Variants in NRXN2 observed in about 807,000 individuals in gnomAD.
NRXN2 encodes the protein neurexin-2-beta.
A neutral mutation model predicts 128.8 loss-of-function variants in NRXN2; 29 were observed. The observed-to-expected ratio is 0.23, with a 90% CI of 0.17 to 0.31. The LOEUF is 0.31. Among genes scored for constraint, NRXN2 ranks in the 10% least tolerant of loss-of-function variants. The pLI, the probability that NRXN2 is intolerant of heterozygous loss-of-function variation, is 1.00. For missense variants in NRXN2, 1,881 were observed against 2,452.6 expected, an observed-to-expected ratio of 0.77 and a Z score of 4.92; for synonymous variants, 1,098 against 1,075.2, an observed-to-expected ratio of 1.02 and a Z score of -0.41.
Position 64,713,200 on chromosome 11 carries a change from C to T in NRXN2, c.500G>A (p.Ser167Asn). The change falls in exon 2 of 23, where the codon AGC becomes AAC. Residue 167 changes from serine (S) to asparagine (N), a missense_variant. Coordinates refer to ENST00000265459, the MANE Select transcript of NRXN2 (RefSeq NM_015080.4). Reference protein sequence around the residue: ...PDVRLSALTLSTVKYEPPFRG... With the variant: ...PDVRLSALTLNTVKYEPPFRG... ...GAAGGGCGGCTCGTACTTGACGGTG[C>T]TCAGCGTAAGCGCCGAGAGGCGCAC... The T allele has an allele frequency of 6.8e-7, 1 of 1,469,638 alleles. No homozygotes were observed. The highest frequency in any genetic ancestry group is 9.0e-7 in the Non-Finnish European group (1 of 1,114,574). 91.0% of individuals were successfully genotyped at this position (1,469,638 alleles called of 1,614,324 possible).
rs755335070 is a variant in NRXN2, at chr11:64,667,560, G to A, written c.1488C>T (p.Thr496=). The A allele has an allele frequency of 1.2e-6, 2 of 1,614,188 alleles. No individual in the cohort carries two copies. The highest frequency in any genetic ancestry group is 2.2e-5 in the East Asian group (1 of 44,886). ...CCACAAAGGCCTCGGGACTCTCAAA[G>A]GTCACAGGGTCCAGGGCAGCCACAT... ...CEDVAALDPV[T]FESPEAFVAL... Residue 496 remains threonine (T), a synonymous_variant, in exon 9 of 23, where the codon ACC becomes ACT. Transcript: ENST00000265459. This position sits in a 1 kb window ranked among gnomAD's most constrained non-coding sequence, Gnocchi z 5.6.
chr11:64,688,053 AAG>A (rs1267910049), intron 5 of NRXN2, among the ~76,000 whole-genome samples: 13 of 152,246 alleles, frequency 8.5e-5, no homozygotes, highest in Non-Finnish European at 4.4e-5. Context: ...AGTATCATTA[AAG>A]AGAGTCAAAC....
intron 2 of NRXN2, among the ~76,000 whole-genome samples, chr11:64,705,224 A>G: frequency 6.6e-6 from 1 of 152,194 alleles, no homozygotes; most frequent in Non-Finnish European, 1.5e-5. Context: ...CAATAGACCA[A>G]CTGACCAGCT....
chr11:64,661,325 AAGGCCCCC>A (rs765722489), intron 9 of NRXN2, 186 bp from the exon 10 acceptor site: 520 of 1,475,182 alleles, frequency 3.5e-4, no homozygotes, highest in Non-Finnish European at 4.5e-4. Flanking sequence ...CTGCTTGACA[AAGGCCCCC>A]AGGCTCAGAG....
In NRXN2 at chr11:64,667,400, G is replaced by C; in HGVS notation, c.1648C>G (p.Arg550Gly). ...GGAGSHSSAQ[R>G]ADYFAMELLD... ...AGCTCCATGGCAAAGTAGTCGGCCC[G>C]CTGAGCAGAGCTGTGGCTGCCAGCT... Residue 550 changes from arginine (R) to glycine (G), a missense_variant, in exon 9 of 23, where the codon CGG becomes GGG. By Grantham distance (125) the Arg-to-Gly change is moderately radical. Coordinates refer to ENST00000265459, the MANE Select transcript of NRXN2 (RefSeq NM_015080.4). This position sits in a 1 kb window ranked among gnomAD's most constrained non-coding sequence, Gnocchi z 5.6. 6.2e-7 allele frequency: 1 copy of C among 1,614,206 alleles called. No homozygotes were observed. Among genetic ancestry groups the C allele is most frequent in the Non-Finnish European group, 8.5e-7 (1 of 1,180,042 alleles).
At chr11:64,701,135 G>A (rs1198633143) in intron 2 of NRXN2, among the ~76,000 whole-genome samples, 2 of 152,156 alleles carry the variant, frequency 1.3e-5, no homozygotes, top group Admixed American at 6.5e-5. Context: ...GCCCTCTACC[G>A]CCACTCTTTT....
intron 18 of NRXN2, among the ~76,000 whole-genome samples, chr11:64,633,407 A>G (rs1442293579): frequency 6.6e-6 from 1 of 152,164 alleles, no homozygotes; most frequent in Non-Finnish European, 1.5e-5. Context: ...TCCTCTTCCT[A>G]TGCCACTCCA....
At chr11:64,675,341 C>T (rs1374502795) in intron 7 of NRXN2, 1 of 152,242 alleles carries the variant, frequency 6.6e-6, no homozygotes, top group African/African-American at 2.4e-5. Context: ...TGCAGGAAAA[C>T]ATGGATCTGC....
rs766595878 is a variant in NRXN2, at chr11:64,660,735, G to A, written c.2185+18C>T. 15 of 1,608,270 alleles carry A rather than the reference G, an allele frequency of 9.3e-6. No homozygotes were observed. The highest frequency in any genetic ancestry group is 1.2e-5 in the Non-Finnish European group (14 of 1,179,980). ...AGGGATAGGGAGCAGGGACACCTAG[G>A]ATGAAGACCAGCCTCACCTCTCTCA... On this transcript the variant is annotated intron_variant, in intron 10 of 22. Coordinates refer to ENST00000265459, the MANE Select transcript of NRXN2 (RefSeq NM_015080.4). This position sits in a 1 kb window ranked among gnomAD's most constrained non-coding sequence, Gnocchi z 5.2.
At position 64,650,520 on chromosome 11, in the gene NRXN2, C is replaced by T. The variant is rs377489531; in HGVS notation, c.3037G>A (p.Val1013Met). ...NVVVSRDPGN[V>M]HTLKIDSRTV... ...CGGGAGTCAATCTTGAGCGTGTGCACGTTGCCTGGGTCCCTGGACACCACC... is the reference window on the plus strand; with the variant it reads ...CGGGAGTCAATCTTGAGCGTGTGCATGTTGCCTGGGTCCCTGGACACCACC... The change falls in exon 15 of 23, where the codon GTG becomes ATG. Residue 1013 changes from valine (V) to methionine (M), a missense_variant. Val to Met is a conservative substitution (Grantham distance 21, BLOSUM62 1). Coordinates refer to ENST00000265459, the MANE Select transcript of NRXN2 (RefSeq NM_015080.4). The T allele has an allele frequency of 2.2e-5, 35 of 1,614,046 alleles. No individual in the cohort carries two copies. The African/African-American group carries it at 2.8e-4, about 13-fold the overall frequency.
chr11:64,685,625 C>T (rs759235078), intron 6 of NRXN2, 21 bp downstream of exon 6: 1 of 1,614,192 alleles, frequency 6.2e-7, no homozygotes, highest in Admixed American at 1.7e-5. Context: ...TAATCCCTGG[C>T]CTTCTTCTCA....
intron 5 of NRXN2, among the ~76,000 whole-genome samples, chr11:64,689,026 C>G (rs1393388532): frequency 1.3e-5 from 2 of 151,994 alleles, no homozygotes; most frequent in Non-Finnish European, 2.9e-5. Context: ...GTGACCTTCG[C>G]TGGTCACAAA....
chr11:64,611,372 T>C (rs1028556397), intron 22 of NRXN2, among the ~76,000 whole-genome samples: 32 of 152,154 alleles, frequency 2.1e-4, no homozygotes, highest in African/African-American at 7.5e-4. Context: ...CATCTTAGAC[T>C]GGGCCACCAG....
chr11:64,716,375 G>A (rs1278338646), intron 1 of NRXN2, among the ~76,000 whole-genome samples: 1 of 152,162 alleles, frequency 6.6e-6, no homozygotes, highest in Non-Finnish European at 1.5e-5. Context: ...GAAAGGCGAG[G>A]GGCAGGAAGT....
chr11:64,695,842 G>A (rs1458417375), intron 3 of NRXN2, among the ~76,000 whole-genome samples: 5 of 152,004 alleles, frequency 3.3e-5, no homozygotes, highest in Non-Finnish European at 2.9e-5. Context: ...AAGAAATGGC[G>A]AGGTGGCGTC....
chr11:64,646,812 A>AG (rs35824052), intron 17 of NRXN2, among the ~76,000 whole-genome samples: 149,644 of 152,326 alleles, frequency 0.98, 73,564 homozygotes, highest in Middle Eastern at 1. Flanking sequence ...CTTGGCAGTC[A>AG]GGCTGGAACA....
At chr11:64,711,450 T>C (rs1291701486) in intron 2 of NRXN2, among the ~76,000 whole-genome samples, 2 of 152,058 alleles carry the variant, frequency 1.3e-5, no homozygotes, top group African/African-American at 4.8e-5. Context: ...CAGACCCTAA[T>C]GGAAGAGGCT....
chr11:64,642,883 T>TC, intron 17 of NRXN2: 1 of 926,728 alleles, frequency 1.1e-6, no homozygotes, highest in Middle Eastern at 5.2e-4. Flanking sequence ...GAAGCCCCCC[T>TC]CCGGCTCCGA....
At position 64,651,320 on chromosome 11, in the gene NRXN2, A is replaced by T. The variant is rs904551675; in HGVS notation, c.2853T>A (p.Pro951=). 1.2e-6 allele frequency: 2 copies of T among 1,614,218 alleles called. No homozygotes were observed. The highest frequency in any genetic ancestry group is 1.7e-5 in the Admixed American group (1 of 60,028). Residue 951 remains proline, a synonymous_variant, in exon 14 of 23, where the codon CCT becomes CCA. Coordinates refer to ENST00000265459, the MANE Select transcript of NRXN2 (RefSeq NM_015080.4). The surrounding 1 kb of genome is among the most constrained non-coding windows in gnomAD (Gnocchi z 5.9). Reference sequence around the variant, plus strand: ...CCGAGTTGAACAGAAGAAGCCCATCAGGGGCCGTGGTCTTGAACTGGAAGA... The same window carrying T: ...CCGAGTTGAACAGAAGAAGCCCATCTGGGGCCGTGGTCTTGAACTGGAAGA... The part of the protein sequence containing the change: ...HLFFQFKTTA[P]DGLLLFNSGN...
Sources: gnomAD v4.1 joint callset for allele counts (sites outside exome capture counted in the v4.1 genomes callset) on GRCh38, gnomAD v4.1.1 for gene constraint, Gnocchi (gnomAD v3.1) non-coding constraint, MANE v1.5 for transcripts, NCBI Gene and HGNC (gene_info 2026-07-23, HGNC 2026-07-21) for gene names.